Variants in DYDC1 observed in about 807,000 individuals in gnomAD.
DYDC1 encodes DPY30 domain-containing protein 1.
Under a neutral mutation model 27.9 loss-of-function variants are expected in DYDC1, and 21 were observed. That is an observed-to-expected ratio of 0.75 (90% CI 0.53 to 1.08). DYDC1 has a LOEUF of 1.08. DYDC1 is among the 50% of genes least tolerant of loss of function. DYDC1 has a pLI of 0.00. For synonymous variants in DYDC1, 67 were observed against 65.8 expected (o/e 1.02, Z -0.09); for missense variants, 202 against 205.9 (o/e 0.98, Z 0.12).
intron 1 of DYDC1, among the ~76,000 whole-genome samples, chr10:80,356,105 G>A (rs185256561): frequency 2.3e-3 from 349 of 152,320 alleles, no homozygotes; most frequent in African/African-American, 8.0e-3. Flanking sequence ...TACCAGCGGG[G>A]CCAGGTCAGG....
intron 1 of DYDC1, among the ~76,000 whole-genome samples, chr10:80,353,549 C>A (rs1275077166): frequency 6.6e-6 from 1 of 151,598 alleles, no homozygotes; most frequent in Non-Finnish European, 1.5e-5. Context: ...CCTCAGATTA[C>A]CCTTAATATT....
chr10:80,339,717 C>A (rs967393233), intron 4 of DYDC1, among the ~76,000 whole-genome samples: 4 of 152,178 alleles, frequency 2.6e-5, no homozygotes, highest in Non-Finnish European at 4.4e-5. Flanking sequence ...ATGCCATCTA[C>A]CTTTTCATTC....
At chr10:80,354,138 A>G (rs1843193815) in intron 1 of DYDC1, among the ~76,000 whole-genome samples, 1 of 149,070 alleles carries the variant, frequency 6.7e-6, no homozygotes, top group African/African-American at 2.5e-5. Flanking sequence ...AAATATATAT[A>G]TATATATTTT....
intron 1 of DYDC1, chr10:80,354,258 G>T (rs979785658): frequency 7.3e-5 from 11 of 151,626 alleles, no homozygotes; most frequent in African/African-American, 2.4e-4. Flanking sequence ...AGGCTGAGGT[G>T]GGTGGATCAC....
chr10:80,354,127 A>AT (rs1037919393), intron 1 of DYDC1, among the ~76,000 whole-genome samples: 7 of 146,062 alleles, frequency 4.8e-5, no homozygotes, highest in East Asian at 2.1e-4. Context: ...TATATAAAAA[A>AT]AAATATATAT....
At chr10:80,338,670 A>C in intron 5 of DYDC1, 99 bp from the exon 6 acceptor site, 2 of 1,220,542 alleles carry the variant, frequency 1.6e-6, no homozygotes, top group Non-Finnish European at 2.1e-6. Context: ...TTATAACATT[A>C]AAATTCAACA....
intron 4 of DYDC1, among the ~76,000 whole-genome samples, chr10:80,339,470 A>G (rs1842244273): frequency 9.0e-6 from 1 of 110,538 alleles, no homozygotes; most frequent in South Asian, 3.7e-4. Flanking sequence ...AAATTATAAT[A>G]GAACCTTAGA....
chr10:80,338,287 G>C, intron 6 of DYDC1, 180 bp downstream of exon 6: 1 of 1,338,414 alleles, frequency 7.5e-7, no homozygotes, highest in Non-Finnish European at 9.5e-7. Flanking sequence ...TCACAAAAGG[G>C]CAGAATGCCA....
intron 3 of DYDC1, among the ~76,000 whole-genome samples, chr10:80,345,873 T>C (rs1842589822): frequency 6.6e-6 from 1 of 152,218 alleles, no homozygotes; most frequent in African/African-American, 2.4e-5. Flanking sequence ...CTTACGTTTT[T>C]TCAAGACAGG....
intron 3 of DYDC1, among the ~76,000 whole-genome samples, chr10:80,349,673 A>G (rs951385211): frequency 6.6e-6 from 1 of 152,204 alleles, no homozygotes; most frequent in Non-Finnish European, 1.5e-5. Flanking sequence ...AATAACTCCA[A>G]TCTCTCAACA....
chr10:80,346,192 T>C (rs919074834), intron 3 of DYDC1, among the ~76,000 whole-genome samples: 4 of 151,698 alleles, frequency 2.6e-5, no homozygotes, highest in Admixed American at 2.0e-4. Flanking sequence ...ATTTATGTTG[T>C]TTCCAAATCT....
chr10:80,352,667 A>T (rs1207653709), intron 1 of DYDC1, 57 bp from the exon 2 acceptor site: 2 of 1,540,202 alleles, frequency 1.3e-6, no homozygotes, highest in Non-Finnish European at 1.7e-6. Flanking sequence ...GTCACTATAA[A>T]ACTAAAGTCC....
intron 4 of DYDC1, among the ~76,000 whole-genome samples, chr10:80,339,496 G>A (rs112805645): frequency 1.3e-5 from 2 of 151,986 alleles, no homozygotes; most frequent in African/African-American, 2.4e-5. Context: ...AGATTTTTAA[G>A]GAGAAAACCA....
intron 3 of DYDC1, among the ~76,000 whole-genome samples, chr10:80,348,273 A>T (rs1026182956): frequency 2.0e-5 from 3 of 152,182 alleles, no homozygotes; most frequent in African/African-American, 4.8e-5. Context: ...GGTAAACAGG[A>T]TTTAAATTTT....
intron 3 of DYDC1, 44 bp from the exon 4 acceptor site, chr10:80,342,405 A>G (rs1029210675): frequency 6.3e-7 from 1 of 1,588,000 alleles, no homozygotes; most frequent in African/African-American, 1.3e-5. Context: ...GATTAATTGC[A>G]AGATAATTAA....
chr10:80,349,480 C>A (rs908403331), intron 3 of DYDC1, among the ~76,000 whole-genome samples: 1 of 151,990 alleles, frequency 6.6e-6, no homozygotes, highest in Non-Finnish European at 1.5e-5. Flanking sequence ...ACAATGCATT[C>A]TAAAATAATA....
At chr10:80,338,426 A>T in intron 6 of DYDC1, 41 bp downstream of exon 6, 1 of 1,607,322 alleles carries the variant, frequency 6.2e-7, no homozygotes, top group Non-Finnish European at 8.5e-7. Context: ...TCAAAAACAA[A>T]AACAAAAACG....
chr10:80,352,731 C>T lies in DYDC1; in HGVS notation c.-9-121G>A, dbSNP rs1484450679. ...CCTGCCCTCAGTCATGGACACCTCCCATTGGGGGTGTCACAAGCAAGCTGG... is the reference window on the plus strand; with the variant it reads ...CCTGCCCTCAGTCATGGACACCTCCTATTGGGGGTGTCACAAGCAAGCTGG... On this transcript the variant is annotated intron_variant, in intron 1 of 6. Coordinates refer to ENST00000372202, the MANE Select transcript of DYDC1 (RefSeq NM_001269053.2). 6.4e-6 allele frequency: 8 copies of T among 1,242,152 alleles called. No homozygotes were observed. In the East Asian group the frequency reaches 2.1e-4, roughly 32 times the overall value. 76.9% of individuals were successfully genotyped at this position (1,242,152 alleles called of 1,614,324 possible). A position where few individuals can be genotyped will look rare whatever the true frequency, so the allele number is the denominator to read the frequency against.
intron 1 of DYDC1, among the ~76,000 whole-genome samples, chr10:80,354,088 C>T (rs1485355278): frequency 6.7e-6 from 1 of 150,304 alleles, no homozygotes; most frequent in Non-Finnish European, 1.5e-5. Context: ...TGCACTCCAG[C>T]CTGGGCGACA....
Sources: gnomAD v4.1 joint callset for allele counts (sites outside exome capture counted in the v4.1 genomes callset) on GRCh38, gnomAD v4.1.1 for gene constraint, MANE v1.5 for transcripts, NCBI Gene and HGNC (gene_info 2026-07-23, HGNC 2026-07-21) for gene names.